The following PCDH11X variants were observed in gnomAD, a reference collection of about 807,000 sequenced individuals.
The protein encoded by PCDH11X is protocadherin-11 X-linked.
PCDH11X carries 18 observed loss-of-function variants against 53.3 expected under a neutral mutation model. That is an observed-to-expected ratio of 0.34 (90% CI 0.23 to 0.50). The LOEUF is 0.50. Ranked by LOEUF, PCDH11X falls within the 20% of genes least tolerant of loss-of-function variation. The pLI is 0.98. For missense variants in PCDH11X, 570 were observed against 1,032.4 expected, an observed-to-expected ratio of 0.55 and a Z score of 6.14; for synonymous variants, 279 against 393.3, an observed-to-expected ratio of 0.71 and a Z score of 3.44.
chrX:92,002,743 A>C (rs1602655563), intron 6 of PCDH11X, among the ~76,000 whole-genome samples: 1 of 107,811 alleles, frequency 9.3e-6, no homozygotes, highest in South Asian at 4.2e-4. Context: ...TTGATTTTGT[A>C]TCCTGCAACT....
chrX:92,564,038 A>T (rs1249734624), intron 10 of PCDH11X, among the ~76,000 whole-genome samples: 1 of 109,911 alleles, frequency 9.1e-6, no homozygotes, highest in African/African-American at 3.3e-5. Context: ...CACAAGTAAA[A>T]TTAAATATCT....
intron 8 of PCDH11X, among the ~76,000 whole-genome samples, chrX:92,288,390 CTT>C (rs756662629): frequency 1.8e-4 from 17 of 94,776 alleles, no homozygotes; most frequent in Admixed American, 1.2e-4. Flanking sequence ...TTAGTTACTT[CTT>C]TTTTTTTTTT....
intron 8 of PCDH11X, among the ~76,000 whole-genome samples, chrX:92,344,465 C>T (rs766062501): frequency 4.5e-3 from 449 of 100,607 alleles, no homozygotes; most frequent in African/African-American, 0.015. Flanking sequence ...TAATAGGCTG[C>T]TTTTCTCCTC....
chrX:92,322,512 A>G (rs1189084306), intron 8 of PCDH11X, among the ~76,000 whole-genome samples: 23 of 111,438 alleles, frequency 2.1e-4, no homozygotes, highest in African/African-American at 3.3e-5. Context: ...GGTATAGTCT[A>G]TGGCTTTATG....
chrX:91,828,112 G>A (rs977949762), intron 4 of PCDH11X, among the ~76,000 whole-genome samples: 1 of 101,219 alleles, frequency 9.9e-6, no homozygotes, highest in Non-Finnish European at 2.0e-5. Flanking sequence ...ATTTTAAAAG[G>A]CAGAATTCTT....
At chrX:92,309,177 A>G (rs1431976248) in intron 8 of PCDH11X, among the ~76,000 whole-genome samples, 1 of 112,309 alleles carries the variant, frequency 8.9e-6, no homozygotes, top group African/African-American at 3.2e-5. Flanking sequence ...TCTTGAACAG[A>G]TATTTGTATA....
chrX:92,439,587 C>G (rs893475900), intron 9 of PCDH11X, among the ~76,000 whole-genome samples: 7 of 110,135 alleles, frequency 6.4e-5, no homozygotes, highest in Non-Finnish European at 1.3e-4. Context: ...AAAGATTTTT[C>G]TATGTATAAA....
At chrX:92,553,442 G>A (rs1006033625) in intron 10 of PCDH11X, among the ~76,000 whole-genome samples, 6 of 110,019 alleles carry the variant, frequency 5.5e-5, no homozygotes, top group African/African-American at 2.0e-4. Context: ...AGCATTTCTA[G>A]TTTTCCATAT....
chrX:92,391,958 A>G (rs1213665474), intron 9 of PCDH11X, among the ~76,000 whole-genome samples: 1 of 111,139 alleles, frequency 9.0e-6, no homozygotes, highest in Non-Finnish European at 1.9e-5. Context: ...AAATCCCCCT[A>G]AAATGAAGAG....
chrX:92,242,019 C>A (rs1209281747), intron 7 of PCDH11X, among the ~76,000 whole-genome samples: 1 of 109,298 alleles, frequency 9.1e-6, no homozygotes, highest in East Asian at 2.9e-4. Context: ...ATCGTTTGAA[C>A]CCGGGAGGCA....
intron 7 of PCDH11X, among the ~76,000 whole-genome samples, chrX:92,251,838 A>G (rs1158708514): frequency 1.8e-5 from 2 of 110,819 alleles, no homozygotes; most frequent in African/African-American, 6.6e-5. Context: ...TTTTAATAAG[A>G]TCATACAGCT....
chrX:91,967,491 T>G (rs1417631817), intron 6 of PCDH11X, among the ~76,000 whole-genome samples: 1 of 110,308 alleles, frequency 9.1e-6, no homozygotes, highest in Admixed American at 9.7e-5. Context: ...CCTAATTATC[T>G]GAGGTGGAAT....
At chrX:92,133,149 TGTG>T (rs1221147129) in intron 6 of PCDH11X, among the ~76,000 whole-genome samples, 2 of 111,463 alleles carry the variant, frequency 1.8e-5, no homozygotes, top group African/African-American at 3.3e-5. Flanking sequence ...ACTTTAAAAA[TGTG>T]GTAATTAGCT....
chrX:92,198,058 T>A (rs1316981587), intron 6 of PCDH11X, among the ~76,000 whole-genome samples: 2 of 109,541 alleles, frequency 1.8e-5, no homozygotes, highest in African/African-American at 6.6e-5. Flanking sequence ...CAATGTCTAA[T>A]TGAGAGAAGA....
chrX:92,102,497 G>A (rs868601267), intron 6 of PCDH11X, among the ~76,000 whole-genome samples: 25 of 111,276 alleles, frequency 2.2e-4, no homozygotes, highest in South Asian at 3.8e-4. Context: ...GAGATTAATC[G>A]GACACGATCA....
At position 92,596,378 on chromosome X, in the gene PCDH11X, T is replaced by A. The variant is rs563667138; in HGVS notation, c.3368-21886T>A. ...AAGGTGAATAAAAGCCAAAGGGGGA[T>A]TGAAACAACCTTTGCAAAAAATATA... is the stretch of plus-strand genomic sequence containing the variant. On this transcript the variant is annotated intron_variant, in intron 10 of 10. Coordinates refer to ENST00000682573, the MANE Select transcript of PCDH11X (RefSeq NM_032968.5). 1.9e-4 allele frequency among the ~76,000 whole-genome samples: 20 copies of A among 107,700 alleles called. No individual in the cohort carries two copies. In the South Asian group the frequency reaches 7.9e-3, roughly 43 times the overall value. 93.5% of individuals were successfully genotyped at this position (107,700 alleles called of 115,157 possible).
At chrX:91,920,125 T>C (rs1941696841) in intron 6 of PCDH11X, among the ~76,000 whole-genome samples, 1 of 111,920 alleles carries the variant, frequency 8.9e-6, no homozygotes, top group Admixed American at 9.5e-5. Context: ...CACATTTTAT[T>C]CCCTTTGCTT....
intron 7 of PCDH11X, among the ~76,000 whole-genome samples, chrX:92,234,727 T>G (rs1231163126): frequency 1.8e-5 from 2 of 111,627 alleles, no homozygotes; most frequent in Non-Finnish European, 3.8e-5. Flanking sequence ...TTTTTTCTTT[T>G]TCCCATTGTG....
At chrX:92,551,864 G>A (rs1350825046) in intron 10 of PCDH11X, among the ~76,000 whole-genome samples, 1 of 107,764 alleles carries the variant, frequency 9.3e-6, no homozygotes, top group Non-Finnish European at 1.9e-5. Flanking sequence ...TTATAAGTGT[G>A]TGGATTTAAT....
Sources: gnomAD v4.1 joint callset for allele counts (sites outside exome capture counted in the v4.1 genomes callset) on GRCh38, gnomAD v4.1.1 for gene constraint, MANE v1.5 for transcripts, NCBI Gene and HGNC (gene_info 2026-07-23, HGNC 2026-07-21) for gene names.